Variants in NAA25 observed in about 807,000 individuals in gnomAD.
NAA25 encodes N-alpha-acetyltransferase 25, NatB auxiliary subunit, also known as N-terminal acetyltransferase B complex subunit NAA25.
In NAA25, 30 loss-of-function variants were observed where a neutral mutation model predicts 132.5. The ratio of observed to expected loss-of-function variants is 0.23; its 90% CI spans 0.17 to 0.31. The LOEUF is 0.31. Among genes scored for constraint, NAA25 ranks in the 10% least tolerant of loss-of-function variants. The pLI is 1.00. For missense variants in NAA25, 771 were observed against 1,150.4 expected (o/e 0.67, Z 4.77); for synonymous variants, 359 against 401.9 (o/e 0.89, Z 1.28).
In NAA25 at chr12:112,090,736, C is replaced by G. The variant is rs1250336431; in HGVS notation, c.273G>C (p.Glu91Asp). The G allele has an allele frequency of 3.1e-6, 5 of 1,609,390 alleles. No homozygotes were observed. The highest frequency in any genetic ancestry group is 4.2e-6 in the Non-Finnish European group (5 of 1,178,830). ...AAGAAAGAAACATACGTCGGTGCAT[C>G]TCCCGGTAAAGGATAGTCAGTGCCT... ...SLQALTILYR[E>D]MHRPELVTKL... Residue 91 changes from glutamate (E) to aspartate (D), a missense_variant, in exon 3 of 24, where the codon GAG becomes GAC. Physicochemically the swap from Glu to Asp is conservative, Grantham distance 45. Around this residue, in one of 3 missense-constraint regions of NAA25, gnomAD observed 417 missense variants for 733.8 expected, o/e 0.57. Coordinates refer to ENST00000261745, the MANE Select transcript of NAA25 (RefSeq NM_024953.4).
intron 4 of NAA25, among the ~76,000 whole-genome samples, chr12:112,086,073 T>TATACACAC (rs759148501): frequency 3.2e-4 from 17 of 53,936 alleles, no homozygotes; most frequent in South Asian, 3.0e-3. Context: ...TATATATATA[T>TATACACAC]ACACACACAC....
rs141314342 is a variant in NAA25, at chr12:112,047,462, C to A, written c.2006+203G>T. ...GGCCAGGATGGTCTCGAACTCCAGA[C>A]CTCAAGTGATCCACCGGCCTCGGCC... On this transcript the variant is annotated intron_variant, in intron 17 of 23. Transcript: ENST00000261745. Among the ~76,000 whole-genome samples, 624 of 152,208 alleles carry A rather than the reference C, an allele frequency of 4.1e-3. 4 individuals are homozygous for A. The highest frequency in any genetic ancestry group is 0.024 in the Middle Eastern group (7 of 294).
chr12:112,097,625 AG>A (rs1182610431), intron 1 of NAA25, among the ~76,000 whole-genome samples: 1 of 151,240 alleles, frequency 6.6e-6, no homozygotes, highest in East Asian at 2.0e-4. Context: ...AAAAAAAAAA[AG>A]AGTTGTCTCT....
At chr12:112,052,018 C>T (rs1331587567) in intron 15 of NAA25, among the ~76,000 whole-genome samples, 1 of 152,324 alleles carries the variant, frequency 6.6e-6, no homozygotes, top group South Asian at 2.1e-4. Flanking sequence ...ACTCCCACTA[C>T]CTCAAAGCTA....
At chr12:112,065,497 CAA>C (rs78423050) in intron 11 of NAA25, 25 of 114,662 alleles carry the variant, frequency 2.2e-4, no homozygotes, top group Admixed American at 2.7e-4. Context: ...GAAACTGTCT[CAA>C]AAAAAAAAAA....
In NAA25 at chr12:112,027,912, C is replaced by A. The variant is rs2078104192; in HGVS notation, c.*1619G>T. ...CTTTTGGGATAGGGTATATGACCAG[C>A]TGTTGCTACTCATATCAAAAATAAA... On this transcript the variant is annotated 3_prime_UTR_variant, in exon 24 of 24. Transcript: ENST00000261745. 6.6e-6 allele frequency: 1 copy of A among 152,176 alleles called. No individual in the cohort carries two copies. The highest frequency in any genetic ancestry group is 1.9e-4 in the East Asian group (1 of 5,194). The allele number at this position is 152,176 out of a possible 1,614,324, so 9.4% of individuals were successfully genotyped here.
At chr12:112,108,603 C>G in intron 1 of NAA25, 113 bp downstream of exon 1, 1 of 1,148,986 alleles carries the variant, frequency 8.7e-7, no homozygotes, top group Non-Finnish European at 1.1e-6. Context: ...GCCCGCCCCC[C>G]TGCGCCTGCC....
chr12:112,075,192 T>C (rs1464659486), intron 8 of NAA25, among the ~76,000 whole-genome samples: 4 of 142,256 alleles, frequency 2.8e-5, no homozygotes, highest in African/African-American at 1.0e-4. Flanking sequence ...CACAAGTATC[T>C]TTTTTTTTTT....
chr12:112,078,484 C>G, intron 6 of NAA25, 150 bp downstream of exon 6: 1 of 735,070 alleles, frequency 1.4e-6, no homozygotes, highest in Non-Finnish European at 2.3e-6. Flanking sequence ...AGTGATTAGA[C>G]CTACGCTGAG....
In NAA25 at chr12:112,043,688, C is replaced by A; in HGVS notation, c.2187G>T (p.Leu729Phe). The A allele has an allele frequency of 6.2e-7, 1 of 1,614,170 alleles. No individual in the cohort carries two copies. Residue 729 changes from leucine to phenylalanine, a missense_variant, in exon 18 of 24, where the codon TTG becomes TTT. Transcript: ENST00000261745. ...GVSSRIDILR[L>F]LLQQLEATLE... is the part of the protein sequence containing the mutation. ...GGGTTGCCTCCAGCTGTTGAAGGAG[C>A]AAACGAAGAATATCAATCCGGGAGG...
At chr12:112,063,567 T>C (rs913513013) in intron 11 of NAA25, among the ~76,000 whole-genome samples, 1 of 152,162 alleles carries the variant, frequency 6.6e-6, no homozygotes, top group African/African-American at 2.4e-5. Flanking sequence ...CCTAAACAGA[T>C]AGTAGCAAAC....
chr12:112,045,082 T>G (rs991311682), intron 17 of NAA25, among the ~76,000 whole-genome samples: 1 of 151,866 alleles, frequency 6.6e-6, no homozygotes, highest in Non-Finnish European at 1.5e-5. Context: ...ATGCAAATGA[T>G]AGAAAAATGT....
At chr12:112,095,334 G>A (rs2079196123) in intron 1 of NAA25, among the ~76,000 whole-genome samples, 1 of 151,934 alleles carries the variant, frequency 6.6e-6, no homozygotes, top group Non-Finnish European at 1.5e-5. Context: ...CTACTCGTGA[G>A]GCTGAGGCAG....
At chr12:112,099,661 C>A (rs1378858291) in intron 1 of NAA25, among the ~76,000 whole-genome samples, 1 of 152,122 alleles carries the variant, frequency 6.6e-6, no homozygotes, top group Non-Finnish European at 1.5e-5. Flanking sequence ...AGCTACTAGT[C>A]CTTGGAGATG....
intron 5 of NAA25, among the ~76,000 whole-genome samples, chr12:112,079,686 A>G (rs570901320): frequency 5.3e-5 from 8 of 152,272 alleles, no homozygotes; most frequent in Non-Finnish European, 1.0e-4. Context: ...CTTAAACACT[A>G]CTTTTAAATC....
chr12:112,059,402 G>A (rs149335879), intron 13 of NAA25, among the ~76,000 whole-genome samples: 2 of 152,206 alleles, frequency 1.3e-5, no homozygotes, highest in African/African-American at 4.8e-5. Context: ...TATGCCATAA[G>A]CACCTAAAGT....
rs1056188432 is a variant in NAA25 at position 112,078,272 on chromosome 12, A to G, written c.586-6T>C. On this transcript the variant is annotated splice_polypyrimidine_tract_variant and splice_region_variant and intron_variant, in intron 6 of 23. Transcript: ENST00000261745. ...ATCATATAATAAAGTTCAACCTTAC[A>G]GAAAAAAAACAAGAAGTGCAACCTC... The G allele has an allele frequency of 6.3e-7, 1 of 1,598,582 alleles. No homozygotes were observed. Among genetic ancestry groups the G allele is most frequent in the African/African-American group, 1.3e-5 (1 of 74,144 alleles).
chr12:112,087,009 CAA>C (rs57089089), intron 4 of NAA25, among the ~76,000 whole-genome samples: 82 of 70,540 alleles, frequency 1.2e-3, no homozygotes, highest in Admixed American at 2.5e-3. Flanking sequence ...ACTCCATCTC[CAA>C]AAAAAAAAAA....
Position 112,048,281 on chromosome 12 carries a change from G to C in NAA25, c.1880+11C>G. The stretch of plus-strand genomic sequence containing the variant: ...CCCTTAGTTCCTTTATAGCTCTCAT[G>C]CAATACTTACATATTTGCTTCAAGT... On this transcript the variant is annotated intron_variant, in intron 16 of 23. Transcript: ENST00000261745. 6.2e-7 allele frequency: 1 copy of C among 1,608,592 alleles called. No homozygotes were observed. The highest frequency in any genetic ancestry group is 8.5e-7 in the Non-Finnish European group (1 of 1,176,304).
Sources: gnomAD v4.1 joint callset for allele counts (sites outside exome capture counted in the v4.1 genomes callset) on GRCh38, gnomAD v4.1.1 for gene constraint, gnomAD v4.1.1 regional missense constraint, MANE v1.5 for transcripts, NCBI Gene and HGNC (gene_info 2026-07-23, HGNC 2026-07-21) for gene names.